The following RMND5B variants were observed in gnomAD, a reference collection of about 807,000 sequenced individuals.
RMND5B encodes required for meiotic nuclear division 5 homolog B, also known as E3 ubiquitin-protein transferase RMND5B.
RMND5B carries 42 observed loss-of-function variants against 50.4 expected under a neutral mutation model. That is an observed-to-expected ratio of 0.83 (90% CI 0.65 to 1.08). The LOEUF (loss-of-function observed/expected upper bound fraction) is 1.08. RMND5B is among the 50% of genes least tolerant of loss of function. The probability of loss-of-function intolerance (pLI) is 0.00; values close to 1 mark genes in which losing one functional copy is unlikely to be tolerated. For synonymous variants in RMND5B, 220 were observed against 210.0 expected (o/e 1.05, Z -0.41); for missense variants, 463 against 508.5 (o/e 0.91, Z 0.86).
chr5:178,132,385 G>A (rs550244209), intron 2 of RMND5B, among the ~76,000 whole-genome samples: 81 of 152,240 alleles, frequency 5.3e-4, no homozygotes, highest in African/African-American at 1.6e-3. Context: ...AGGTTGCAAT[G>A]AGCCAAGATC....
rs2113424236 is a variant in RMND5B at position 178,143,504 on chromosome 5, C to G, written c.427-123C>G. The G allele has an allele frequency of 5.3e-6, 4 of 753,234 alleles. No homozygotes were observed. The South Asian group carries it at 6.8e-5, about 13-fold the overall frequency. 46.7% of individuals were successfully genotyped at this position (753,234 alleles called of 1,614,324 possible). On this transcript the variant is annotated intron_variant, in intron 5 of 10. Transcript: ENST00000313386. ...CCCAAGTGGCTGGCAGGAGACCAAG[C>G]TCCTCAAGCAAAGCCCAGCTCTCTG...
In RMND5B at chr5:178,150,086, C is replaced by T. The variant is rs1284699753; in HGVS notation, c.*2054C>T. ...TGAAAGGGCTCCAGCCCAGCAGGGG[C>T]TGTCCCGGTCCCTGCCACCCCCACT... On this transcript the variant is annotated 3_prime_UTR_variant, in exon 11 of 11. Coordinates refer to ENST00000313386, the MANE Select transcript of RMND5B (RefSeq NM_022762.5). 1 of 396,034 alleles carries T rather than the reference C, an allele frequency of 2.5e-6. No individual in the cohort carries two copies. Among genetic ancestry groups the T allele is most frequent in the South Asian group, 2.8e-5 (1 of 36,132 alleles). The allele number at this position is 396,034 out of a possible 1,614,324, so 24.5% of individuals were successfully genotyped here. A position where few individuals can be genotyped will look rare whatever the true frequency, so the allele number is the denominator to read the frequency against.
At chr5:178,133,895 A>G (rs1387828925) in intron 2 of RMND5B, among the ~76,000 whole-genome samples, 1 of 151,684 alleles carries the variant, frequency 6.6e-6, no homozygotes, top group South Asian at 2.1e-4. Context: ...GTATTTTTTT[A>G]GTAGAGATGG....
chr5:178,131,047 G>C lies in RMND5B; in HGVS notation c.-160G>C, dbSNP rs1758258820. The C allele has an allele frequency of 6.8e-6, 1 of 146,178 alleles. No individual in the cohort carries two copies. The highest frequency in any genetic ancestry group is 2.1e-4 in the South Asian group (1 of 4,842). The allele number at this position is 146,178 out of a possible 1,614,324, so 9.1% of individuals were successfully genotyped here. On this transcript the variant is annotated 5_prime_UTR_variant, in exon 1 of 11. Transcript: ENST00000313386. Reference sequence around the variant, plus strand: ...CGCCGGAAGCCGGGGCCGGGGCTGCGGGGCGAGGTGAGAGCGGGCGGGCTT... The same window carrying C: ...CGCCGGAAGCCGGGGCCGGGGCTGCCGGGCGAGGTGAGAGCGGGCGGGCTT...
chr5:178,135,805 T>C (rs1758592260), intron 2 of RMND5B, among the ~76,000 whole-genome samples: 1 of 152,238 alleles, frequency 6.6e-6, no homozygotes, highest in South Asian at 2.1e-4. Flanking sequence ...GCCGGATTGT[T>C]TGACCTTCGT....
rs1170525151 is a variant in RMND5B, at chr5:178,143,563, C to T, written c.427-64C>T. 4.8e-6 allele frequency: 6 copies of T among 1,255,744 alleles called. No homozygotes were observed. In the East Asian group the frequency reaches 7.0e-5, roughly 15 times the overall value. 77.8% of individuals were successfully genotyped at this position (1,255,744 alleles called of 1,614,324 possible). A position where few individuals can be genotyped will look rare whatever the true frequency, so the allele number is the denominator to read the frequency against. Reference sequence around the variant, plus strand: ...TTGGCGGGTGAGCTTTTATTATGTGCATAGCAGAGAACTTTGGAAACACCA... The same window carrying T: ...TTGGCGGGTGAGCTTTTATTATGTGTATAGCAGAGAACTTTGGAAACACCA... On this transcript the variant is annotated intron_variant, in intron 5 of 10. Coordinates refer to ENST00000313386, the MANE Select transcript of RMND5B (RefSeq NM_022762.5).
Position 178,144,720 on chromosome 5 carries a change from G to GA in RMND5B, c.694+625dup, listed in dbSNP as rs111233356. Among the ~76,000 whole-genome samples the GA allele has an allele frequency of 2.4e-3, 266 of 111,664 alleles. 15 individuals carry two copies. The highest frequency in any genetic ancestry group is 5.6e-3 in the African/African-American group (160 of 28,350). The allele number at this position is 111,664 out of a possible 152,430, so 73.3% of individuals were successfully genotyped here. ...GGTGACAGAGTGAGACTCCGTCTCA[G>GA]AAAAAAAAAAAAAGACTTGTCTGGG... On this transcript the variant is annotated intron_variant, in intron 7 of 10. Transcript: ENST00000313386.
Position 178,138,046 on chromosome 5 carries a change from G to A in RMND5B, c.-12-62G>A. On this transcript the variant is annotated intron_variant, in intron 2 of 10. Coordinates refer to ENST00000313386, the MANE Select transcript of RMND5B (RefSeq NM_022762.5). The surrounding 1 kb of genome is among the most constrained non-coding windows in gnomAD (Gnocchi z 5.1). ...GAGAGGGATCTGAAGAGGTGGTCTG[G>A]GCACCCTGCCTGCCATGCCACCGTG... 1.3e-6 allele frequency: 2 copies of A among 1,488,282 alleles called. No homozygotes were observed. The allele number at this position is 1,488,282 out of a possible 1,614,324, so 92.2% of individuals were successfully genotyped here.
At position 178,131,680 on chromosome 5, in the gene RMND5B, G is replaced by C. The variant is rs143295031; in HGVS notation, c.-13+304G>C. On this transcript the variant is annotated intron_variant, in intron 2 of 10. Coordinates refer to ENST00000313386, the MANE Select transcript of RMND5B (RefSeq NM_022762.5). ...TGTGGTCTAGCAGAGCATCTCTGAG[G>C]ACGGGACATTTGCGTTGAGACCCAA... Among the ~76,000 whole-genome samples, 895 of 152,266 alleles carry C rather than the reference G, an allele frequency of 5.9e-3. 14 individuals carry two copies. The highest frequency in any genetic ancestry group is 0.02 in the African/African-American group (851 of 41,556).
intron 8 of RMND5B, chr5:178,147,319 A>G (rs1332984861): frequency 3.8e-5 from 22 of 578,420 alleles, no homozygotes; most frequent in Non-Finnish European, 5.5e-5. Context: ...AGGTTCTCAA[A>G]TTTTGGGGTG....
intron 7 of RMND5B, among the ~76,000 whole-genome samples, chr5:178,144,908 A>T (rs34342590): frequency 0.24 from 37,028 of 152,098 alleles, 4,752 homozygotes; most frequent in East Asian, 0.4. Context: ...TCTTCCTGTC[A>T]TGCTAGAATT....
chr5:178,133,334 C>T (rs1385759339), intron 2 of RMND5B: 1 of 152,202 alleles, frequency 6.6e-6, no homozygotes, highest in African/African-American at 2.4e-5. Flanking sequence ...CTACCCACTC[C>T]TACACATTTG....
In RMND5B at chr5:178,143,009, C is replaced by T. The variant is rs377436350; in HGVS notation, c.426+17C>T. On this transcript the variant is annotated intron_variant, in intron 5 of 10. Coordinates refer to ENST00000313386, the MANE Select transcript of RMND5B (RefSeq NM_022762.5). ...CTGTGCCAGGTACAGTCGGGCTGGG[C>T]GGGCGCAACAACCTGCCTGCTCTGC... The T allele has an allele frequency of 2.2e-5, 36 of 1,602,132 alleles. No individual in the cohort carries two copies. Among genetic ancestry groups the T allele is most frequent in the Non-Finnish European group, 2.7e-5 (32 of 1,172,822 alleles).
intron 3 of RMND5B, chr5:178,141,869 T>C (rs976866992): frequency 1.3e-5 from 2 of 152,236 alleles, no homozygotes; most frequent in African/African-American, 4.8e-5. Flanking sequence ...CCCTAGCCTC[T>C]GGCAACCACT....
In RMND5B at chr5:178,137,597, G is replaced by A. The variant is rs1345513473; in HGVS notation, c.-12-511G>A. Among the ~76,000 whole-genome samples, 1 of 152,128 alleles carries A rather than the reference G, an allele frequency of 6.6e-6. No individual in the cohort carries two copies. The highest frequency in any genetic ancestry group is 2.4e-5 in the African/African-American group (1 of 41,436). On this transcript the variant is annotated intron_variant, in intron 2 of 10. Coordinates refer to ENST00000313386, the MANE Select transcript of RMND5B (RefSeq NM_022762.5). The surrounding 1 kb of genome is among the most constrained non-coding windows in gnomAD (Gnocchi z 4.4). Reference sequence around the variant, plus strand: ...CCAGCTAGTCAGGAGGCTAAAGTGGGAGAATCCCTTGGGCCTGGGGGGATC... The same window carrying A: ...CCAGCTAGTCAGGAGGCTAAAGTGGAAGAATCCCTTGGGCCTGGGGGGATC...
intron 8 of RMND5B, chr5:178,147,311 G>C (rs958376932): frequency 3.5e-6 from 2 of 577,078 alleles, no homozygotes; most frequent in African/African-American, 3.7e-5. Context: ...TTCCCTGTAG[G>C]TTCTCAAATT....
At chr5:178,133,964 C>T (rs1293437935) in intron 2 of RMND5B, among the ~76,000 whole-genome samples, 6 of 152,202 alleles carry the variant, frequency 3.9e-5, no homozygotes, top group Non-Finnish European at 8.8e-5. Flanking sequence ...CCACTCGCCT[C>T]GGCCTCCCAA....
chr5:178,144,857 A>G (rs1167035222), intron 7 of RMND5B, among the ~76,000 whole-genome samples: 3 of 152,112 alleles, frequency 2.0e-5, no homozygotes, highest in Non-Finnish European at 4.4e-5. Context: ...CCCTGCTCCC[A>G]TCTCTACAAA....
chr5:178,132,337 A>C (rs1467232819), intron 2 of RMND5B, among the ~76,000 whole-genome samples: 1 of 151,996 alleles, frequency 6.6e-6, no homozygotes, highest in Non-Finnish European at 1.5e-5. Flanking sequence ...GCTACTTGGG[A>C]GGCTGAGGCA....
Sources: gnomAD v4.1 joint callset for allele counts (sites outside exome capture counted in the v4.1 genomes callset) on GRCh38, gnomAD v4.1.1 for gene constraint, Gnocchi (gnomAD v3.1) non-coding constraint, MANE v1.5 for transcripts, NCBI Gene and HGNC (gene_info 2026-07-23, HGNC 2026-07-21) for gene names.